The following RPA3 variants were observed in gnomAD, a reference collection of about 807,000 sequenced individuals.
The protein encoded by RPA3 is replication protein A 14 kDa subunit.
In RPA3, 24 loss-of-function variants were observed where a neutral mutation model predicts 13.7. The observed-to-expected ratio is 1.75, with a 90% CI of 1.27 to 2.46. The LOEUF (loss-of-function observed/expected upper bound fraction) is 2.46, where lower values mean the gene tolerates loss of function less well. Among genes scored for constraint, RPA3 ranks in the 30% most tolerant of loss-of-function variants. The probability of loss-of-function intolerance (pLI) is 0.00; values close to 1 mark genes in which losing one functional copy is unlikely to be tolerated. For synonymous variants in RPA3, 59 were observed against 51.2 expected (o/e 1.15, Z -0.65); for missense variants, 183 against 151.0 (o/e 1.21, Z -1.11).
chr7:7,708,172 T>G (rs1042564944), intron 2 of RPA3, among the ~76,000 whole-genome samples: 2 of 152,188 alleles, frequency 1.3e-5, no homozygotes, highest in Admixed American at 6.5e-5. Flanking sequence ...AAATAGCAAT[T>G]ACATATTCAA....
At chr7:7,706,858 A>G (rs972709085) in intron 2 of RPA3, among the ~76,000 whole-genome samples, 1 of 152,164 alleles carries the variant, frequency 6.6e-6, no homozygotes, top group Non-Finnish European at 1.5e-5. Flanking sequence ...ATCTTGACTT[A>G]CTTAGATTTA....
intron 4 of RPA3, among the ~76,000 whole-genome samples, chr7:7,680,236 G>A (rs1304202851): frequency 1.3e-5 from 2 of 152,028 alleles, no homozygotes; most frequent in African/African-American, 4.8e-5. Context: ...AGAGATAGGG[G>A]TCTAGTTTTA....
chr7:7,658,007 C>T (rs578115264), intron 4 of RPA3, among the ~76,000 whole-genome samples: 1 of 152,286 alleles, frequency 6.6e-6, no homozygotes, highest in East Asian at 1.9e-4. Flanking sequence ...GTTTATAATT[C>T]TTCTTGAAGA....
chr7:7,645,673 G>T (rs1249560935), intron 4 of RPA3, among the ~76,000 whole-genome samples: 1 of 152,098 alleles, frequency 6.6e-6, no homozygotes, highest in Non-Finnish European at 1.5e-5. Context: ...TTGATCAAAT[G>T]CATTTTTTGC....
intron 2 of RPA3, among the ~76,000 whole-genome samples, chr7:7,708,148 C>T (rs28912694): frequency 0.05 from 7,608 of 152,278 alleles, 243 homozygotes; most frequent in Middle Eastern, 0.12. Context: ...GCGACATCCA[C>T]GCCATTATCA....
intron 4 of RPA3, among the ~76,000 whole-genome samples, chr7:7,642,724 C>T (rs1474204780): frequency 2.6e-5 from 4 of 152,160 alleles, no homozygotes; most frequent in Non-Finnish European, 5.9e-5. Flanking sequence ...TGGGGCCTGT[C>T]ATTCAGCTGA....
rs1203991829 is a variant in RPA3 at position 7,677,758 on chromosome 7, C to T, written c.-758+8072G>A. Reference sequence around the variant, plus strand: ...GCGGGATCTCGGCTCACTGCAAGCTCTGCCTCCCAGGTTCACGCCATTCTC... The same window carrying T: ...GCGGGATCTCGGCTCACTGCAAGCTTTGCCTCCCAGGTTCACGCCATTCTC... On this transcript the variant is annotated intron_variant, in intron 4 of 7. Transcript: ENST00000223129. Among the ~76,000 whole-genome samples the T allele has an allele frequency of 7.5e-4, 108 of 144,652 alleles. 4 individuals carry two copies. The highest frequency in any genetic ancestry group is 2.7e-3 in the African/African-American group (105 of 38,904). The allele number at this position is 144,652 out of a possible 152,430, so 94.9% of individuals were successfully genotyped here.
intron 2 of RPA3, among the ~76,000 whole-genome samples, chr7:7,700,999 A>G (rs1780447877): frequency 2.0e-5 from 3 of 152,208 alleles, no homozygotes; most frequent in African/African-American, 7.2e-5. Context: ...ACAGTGAGCT[A>G]TGATCACGGT....
intron 2 of RPA3, among the ~76,000 whole-genome samples, chr7:7,689,135 C>T (rs1010498498): frequency 6.6e-6 from 1 of 152,092 alleles, no homozygotes; most frequent in Admixed American, 6.6e-5. Flanking sequence ...AAGCCAGTCA[C>T]GGTAGTCTAA....
In RPA3 at chr7:7,640,240, C is replaced by T. The variant is rs559376927; in HGVS notation, c.99+80G>A. On this transcript the variant is annotated intron_variant, in intron 5 of 7. Coordinates refer to ENST00000223129, the MANE Select transcript of RPA3 (RefSeq NM_002947.5). ...GCGCAGTGATCGGAGGCTTTCCGTC[C>T]TTTTTCATCCCCCGTTATCCAGGCG... The T allele has an allele frequency of 1.2e-5, 18 of 1,452,580 alleles. No individual in the cohort carries two copies. In the Middle Eastern group the frequency reaches 5.4e-4, roughly 43 times the overall value. 90.0% of individuals were successfully genotyped at this position (1,452,580 alleles called of 1,614,324 possible).
At chr7:7,704,860 A>G (rs1227407007) in intron 2 of RPA3, among the ~76,000 whole-genome samples, 2 of 151,824 alleles carry the variant, frequency 1.3e-5, no homozygotes, top group Non-Finnish European at 2.9e-5. Context: ...AGGGTCATCA[A>G]TTGAAAAAAA....
chr7:7,710,786 A>G (rs1489844518), intron 2 of RPA3, among the ~76,000 whole-genome samples: 1 of 152,204 alleles, frequency 6.6e-6, no homozygotes, highest in African/African-American at 2.4e-5. Context: ...CTGGATACAC[A>G]CCAAATATCC....
At chr7:7,710,798 T>G (rs1003118125) in intron 2 of RPA3, among the ~76,000 whole-genome samples, 1 of 152,212 alleles carries the variant, frequency 6.6e-6, no homozygotes, top group Non-Finnish European at 1.5e-5. Flanking sequence ...CAAATATCCT[T>G]CAACAGGTGA....
intron 2 of RPA3, chr7:7,689,493 G>GC (rs1474913417): frequency 6.6e-6 from 1 of 152,138 alleles, no homozygotes; most frequent in Non-Finnish European, 1.5e-5. Flanking sequence ...TAAAGTTTAA[G>GC]CCACTTTTAG....
intron 2 of RPA3, among the ~76,000 whole-genome samples, chr7:7,705,106 A>G (rs1334622708): frequency 6.6e-6 from 1 of 152,138 alleles, no homozygotes; most frequent in African/African-American, 2.4e-5. Flanking sequence ...TCCTGTTCTG[A>G]CATGTTGTAA....
chr7:7,646,999 G>A (rs1785111907), intron 4 of RPA3, among the ~76,000 whole-genome samples: 1 of 152,152 alleles, frequency 6.6e-6, no homozygotes, highest in African/African-American at 2.4e-5. Flanking sequence ...CCCTTCTGCC[G>A]CTTGTCCGTA....
intron 4 of RPA3, among the ~76,000 whole-genome samples, chr7:7,681,141 G>T (rs1387746055): frequency 6.6e-6 from 1 of 152,122 alleles, no homozygotes; most frequent in Non-Finnish European, 1.5e-5. Context: ...GGACACCACA[G>T]AATTTGTTAG....
intron 2 of RPA3, among the ~76,000 whole-genome samples, chr7:7,703,299 G>A (rs750545724): frequency 2.0e-5 from 3 of 152,122 alleles, no homozygotes; most frequent in Non-Finnish European, 4.4e-5. Flanking sequence ...GAATTCGTGT[G>A]TTCTCATTTA....
At position 7,641,083 on chromosome 7, in the gene RPA3, T is replaced by C. The variant is rs1341194130; in HGVS notation, c.-665A>G. ...AGATGGGCAGCGGGGTCATCAGTGA[T>C]CTTGATCACTTTCTTCAGGCTTTTG... is the stretch of plus-strand genomic sequence containing the variant. On this transcript the variant is annotated 5_prime_UTR_variant, in exon 5 of 8. Transcript: ENST00000223129. 6.6e-6 allele frequency: 1 copy of C among 152,536 alleles called. No homozygotes were observed. Among genetic ancestry groups the C allele is most frequent in the East Asian group, 1.9e-4 (1 of 5,192 alleles). 9.4% of individuals were successfully genotyped at this position (152,536 alleles called of 1,614,324 possible). A position where few individuals can be genotyped will look rare whatever the true frequency, so the allele number is the denominator to read the frequency against.
Sources: allele counts gnomAD v4.1 joint callset (sites outside exome capture counted in the v4.1 genomes callset), GRCh38; gene constraint gnomAD v4.1.1; transcripts MANE v1.5; gene names NCBI Gene and HGNC (gene_info 2026-07-23, HGNC 2026-07-21).